Variants in UBR1 observed in about 807,000 individuals in gnomAD.
UBR1 encodes the protein E3 ubiquitin-protein ligase UBR1.
Under a neutral mutation model 242.1 loss-of-function variants are expected in UBR1, and 102 were observed. That is an observed-to-expected ratio of 0.42 (90% CI 0.36 to 0.50). The LOEUF is 0.50. Among genes scored for constraint, UBR1 ranks in the 20% least tolerant of loss-of-function variants. The pLI is 0.01. For missense variants in UBR1, 1,772 were observed against 2,101.8 expected (o/e 0.84, Z 3.07); for synonymous variants, 675 against 684.8 (o/e 0.99, Z 0.22).
At chr15:43,064,734 G>A (rs1037277182) in intron 6 of UBR1, among the ~76,000 whole-genome samples, 2 of 151,860 alleles carry the variant, frequency 1.3e-5, no homozygotes, top group South Asian at 2.1e-4. Flanking sequence ...GTGCCACTAC[G>A]CCCAGCTAAT....
intron 27 of UBR1, among the ~76,000 whole-genome samples, chr15:43,017,790 A>C (rs963269394): frequency 1.3e-5 from 2 of 151,452 alleles, no homozygotes; most frequent in Admixed American, 1.3e-4. Context: ...AGCCTGGGTG[A>C]CAGAGCGAGA....
intron 39 of UBR1, among the ~76,000 whole-genome samples, chr15:42,971,975 C>T (rs1421171133): frequency 2.0e-5 from 3 of 152,148 alleles, no homozygotes; most frequent in Non-Finnish European, 4.4e-5. Flanking sequence ...CATTTGGCAC[C>T]AGTGTTGTAC....
At chr15:43,073,941 A>G (rs1690177430) in intron 4 of UBR1, among the ~76,000 whole-genome samples, 1 of 152,198 alleles carries the variant, frequency 6.6e-6, no homozygotes, top group South Asian at 2.1e-4. Context: ...GATATCCACA[A>G]CAGTTTAAAG....
At position 42,970,648 on chromosome 15, in the gene UBR1, T is replaced by C. The variant is rs1422370602; in HGVS notation, c.4370-41A>G. ...TGCAAGATGAATTATGTATTTGCTA[T>C]TCAGTTTACAAATTAGACTTTAATT... On this transcript the variant is annotated intron_variant, in intron 39 of 46. Coordinates refer to ENST00000290650, the MANE Select transcript of UBR1 (RefSeq NM_174916.3). 4 of 1,551,380 alleles carry C rather than the reference T, an allele frequency of 2.6e-6. No individual in the cohort carries two copies. In the Admixed American group the frequency reaches 5.0e-5, roughly 19 times the overall value.
chr15:43,086,273 T>C (rs1445506288), intron 1 of UBR1, 33 bp from the exon 2 acceptor site: 2 of 1,611,820 alleles, frequency 1.2e-6, no homozygotes, highest in Non-Finnish European at 1.7e-6. Context: ...TTAGACTGAC[T>C]TACAAGTTCC....
At chr15:42,994,776 T>C (rs1367209415) in intron 33 of UBR1, among the ~76,000 whole-genome samples, 1 of 152,192 alleles carries the variant, frequency 6.6e-6, no homozygotes, top group Admixed American at 6.5e-5. Flanking sequence ...AACTTGTCAA[T>C]GCTTACTATT....
At chr15:43,020,513 A>G (rs771364393) in intron 27 of UBR1, among the ~76,000 whole-genome samples, 3 of 152,188 alleles carry the variant, frequency 2.0e-5, no homozygotes, top group Non-Finnish European at 4.4e-5. Flanking sequence ...GTCTCCTAAC[A>G]GTTTCCTTAC....
intron 32 of UBR1, 82 bp downstream of exon 32, chr15:43,002,473 A>G (rs2032741338): frequency 6.7e-7 from 1 of 1,481,530 alleles, no homozygotes; most frequent in South Asian, 1.2e-5. Flanking sequence ...CGCCCATCTC[A>G]GTCTCCCAAA....
chr15:42,945,208 A>C lies in UBR1; in HGVS notation c.*121T>G. On this transcript the variant is annotated 3_prime_UTR_variant, in exon 47 of 47. Transcript: ENST00000290650. ...AAGAAATATTTTATTGATGTAAGTG[A>C]ACCTGGACATGGAGCAAAAGACCCT... The C allele has an allele frequency of 5.6e-5, 75 of 1,340,054 alleles. No homozygotes were observed. Among genetic ancestry groups the C allele is most frequent in the African/African-American group, 8.7e-5 (6 of 69,064 alleles). The allele number at this position is 1,340,054 out of a possible 1,614,324, so 83.0% of individuals were successfully genotyped here.
At chr15:43,059,593 A>G (rs1477105169) in intron 8 of UBR1, 109 bp downstream of exon 8, 2 of 1,333,532 alleles carry the variant, frequency 1.5e-6, no homozygotes, top group Non-Finnish European at 2.0e-6. Context: ...TAAACCAAAA[A>G]AAAAAAAAAA....
chr15:43,030,332 A>T (rs780278798), intron 20 of UBR1, among the ~76,000 whole-genome samples: 1 of 152,206 alleles, frequency 6.6e-6, no homozygotes, highest in Non-Finnish European at 1.5e-5. Flanking sequence ...ATATACATAC[A>T]TATTCGTATA....
At chr15:43,022,461 A>G (rs927864641) in intron 26 of UBR1, among the ~76,000 whole-genome samples, 9 of 152,100 alleles carry the variant, frequency 5.9e-5, no homozygotes, top group African/African-American at 2.2e-4. Context: ...TGGGGCGATC[A>G]TGTAGTAAAA....
intron 3 of UBR1, among the ~76,000 whole-genome samples, chr15:43,076,059 C>G (rs1212441499): frequency 1.3e-5 from 2 of 152,092 alleles, no homozygotes; most frequent in Non-Finnish European, 2.9e-5. Flanking sequence ...CATCTCGGCT[C>G]ACTGCAACCT....
chr15:43,056,492 T>A, intron 10 of UBR1, 50 bp from the exon 11 acceptor site: 1 of 1,273,896 alleles, frequency 7.8e-7, no homozygotes, highest in Non-Finnish European at 1.1e-6. Flanking sequence ...TAAAGACCTT[T>A]AAAAAATCCC....
intron 1 of UBR1, among the ~76,000 whole-genome samples, chr15:43,095,592 A>G (rs1156969324): frequency 6.6e-6 from 1 of 152,004 alleles, no homozygotes; most frequent in Non-Finnish European, 1.5e-5. Flanking sequence ...AACTAAGCTC[A>G]TCAACTATGG....
In UBR1 at chr15:43,070,916, A is replaced by T; in HGVS notation, c.538T>A (p.Cys180Ser). Residue 180 changes from cysteine (C) to serine (S), a missense_variant, in exon 5 of 47, where the codon TGT (cysteine) becomes AGT (serine). Cys to Ser is a moderately radical substitution (Grantham distance 112). Transcript: ENST00000290650. ...ACAATTACCTCTTCATTCAACGGACAGCGTGAATTCTATAAAAAAGCCGAG... is the reference window on the plus strand; with the variant it reads ...ACAATTACCTCTTCATTCAACGGACTGCGTGAATTCTATAAAAAAGCCGAG... ...RAGTIKENSRCPLNEEVIVQA... is the reference protein window; with the variant it reads ...RAGTIKENSRSPLNEEVIVQA... The T allele has an allele frequency of 1.2e-6, 2 of 1,613,386 alleles. No homozygotes were observed. The highest frequency in any genetic ancestry group is 1.7e-6 in the Non-Finnish European group (2 of 1,179,960).
At chr15:42,971,348 G>A (rs899382496) in intron 39 of UBR1, among the ~76,000 whole-genome samples, 3 of 152,134 alleles carry the variant, frequency 2.0e-5, no homozygotes, top group South Asian at 2.1e-4. Flanking sequence ...CTATCTTTAA[G>A]GAGGACCATC....
intron 6 of UBR1, among the ~76,000 whole-genome samples, chr15:43,065,487 G>C (rs2033741048): frequency 6.6e-6 from 1 of 152,058 alleles, no homozygotes; most frequent in East Asian, 1.9e-4. Context: ...ATCCATTAGC[G>C]ATTCTTCCTG....
intron 33 of UBR1, among the ~76,000 whole-genome samples, chr15:42,995,561 G>A (rs961883700): frequency 9.9e-5 from 15 of 151,876 alleles, no homozygotes; most frequent in Non-Finnish European, 1.0e-4. Flanking sequence ...CCAGCTACTC[G>A]AGAGGTTGAG....
Sources: gnomAD v4.1 joint callset for allele counts (sites outside exome capture counted in the v4.1 genomes callset) on GRCh38, gnomAD v4.1.1 for gene constraint, MANE v1.5 for transcripts, NCBI Gene and HGNC (gene_info 2026-07-23, HGNC 2026-07-21) for gene names.